Variants in RIPOR2 observed in about 807,000 individuals in gnomAD.
RIPOR2 encodes rho family-interacting cell polarization regulator 2.
Under a neutral mutation model 114.5 loss-of-function variants are expected in RIPOR2, and 39 were observed. The ratio of observed to expected loss-of-function variants is 0.34; its 90% CI spans 0.26 to 0.44. RIPOR2 has a LOEUF of 0.44. Ranked by LOEUF, RIPOR2 falls within the 20% of genes least tolerant of loss-of-function variation. RIPOR2 has a pLI of 1.00. For missense variants in RIPOR2, 1,007 were observed against 1,255.1 expected, an observed-to-expected ratio of 0.80 and a Z score of 2.99; for synonymous variants, 445 against 484.4, an observed-to-expected ratio of 0.92 and a Z score of 1.07.
intron 1 of RIPOR2, among the ~76,000 whole-genome samples, chr6:24,980,384 A>T (rs770967937): frequency 1.2e-4 from 18 of 152,352 alleles, no homozygotes; most frequent in Non-Finnish European, 1.6e-4. Context: ...GAGTGAAATC[A>T]AGACACCTGG....
At chr6:25,023,762 T>G (rs1776449313) in intron 1 of RIPOR2, 7 of 801,988 alleles carry the variant, frequency 8.7e-6, no homozygotes, top group Non-Finnish European at 1.3e-5. Context: ...GGAGGTCGGG[T>G]GGGTGGAGCC....
chr6:24,839,451 A>C, intron 13 of RIPOR2, 179 bp from the exon 14 acceptor site: 1 of 1,437,532 alleles, frequency 7.0e-7, no homozygotes, highest in Non-Finnish European at 9.3e-7. Flanking sequence ...AACCATGGAT[A>C]AAATGGCACA....
chr6:24,875,594 G>A (rs552218614), intron 2 of RIPOR2, 97 bp downstream of exon 2: 47 of 1,165,204 alleles, frequency 4.0e-5, no homozygotes, highest in Admixed American at 7.8e-5. Context: ...GCCGGGGGGC[G>A]GTTTGACAAG....
intron 1 of RIPOR2, among the ~76,000 whole-genome samples, chr6:25,031,719 AT>A (rs1776960920): frequency 1.0e-5 from 1 of 96,108 alleles, no homozygotes; most frequent in Non-Finnish European, 2.0e-5. Context: ...ATATATATAT[AT>A]ATATATATAT....
intron 1 of RIPOR2, chr6:24,877,073 A>T (rs1404814017): frequency 1.0e-6 from 1 of 985,386 alleles, no homozygotes; most frequent in East Asian, 1.1e-4. Flanking sequence ...ATGTTTGCAG[A>T]GTGTCGACAA....
At chr6:24,982,561 A>AT (rs968530534) in intron 1 of RIPOR2, among the ~76,000 whole-genome samples, 24 of 152,106 alleles carry the variant, frequency 1.6e-4, no homozygotes, top group African/African-American at 5.6e-4. Flanking sequence ...AGCCAAGAAC[A>AT]TTTTTTTCCT....
intron 1 of RIPOR2, among the ~76,000 whole-genome samples, chr6:25,019,318 C>T (rs995901723): frequency 6.6e-6 from 1 of 152,146 alleles, no homozygotes; most frequent in Non-Finnish European, 1.5e-5. Context: ...TATTACCACT[C>T]TCAAGGAAGG....
intron 1 of RIPOR2, among the ~76,000 whole-genome samples, chr6:24,897,931 G>A (rs1479207985): frequency 1.3e-5 from 2 of 151,936 alleles, no homozygotes; most frequent in Non-Finnish European, 2.9e-5. Context: ...GGCTGAGGCA[G>A]GAGAATTGCT....
At chr6:25,023,559 CTTGT>C in intron 1 of RIPOR2, 2 of 772,802 alleles carry the variant, frequency 2.6e-6, no homozygotes, top group Non-Finnish European at 2.4e-6. Flanking sequence ...AAGCCCAGGC[CTTGT>C]TTGATTTTGC....
At chr6:24,957,752 G>A (rs148405974) in intron 1 of RIPOR2, among the ~76,000 whole-genome samples, 1,812 of 152,322 alleles carry the variant, frequency 0.012, 20 homozygotes, top group Middle Eastern at 0.027. Context: ...GCAGGCGCCT[G>A]TAGTCCCAGC....
intron 20 of RIPOR2, among the ~76,000 whole-genome samples, chr6:24,811,657 C>CTT (rs1222503239): frequency 1.3e-3 from 28 of 21,722 alleles, no homozygotes; most frequent in South Asian, 0.012. Context: ...TCGTTTAGTA[C>CTT]TTTTTTTTTT....
At chr6:25,015,960 A>G (rs1581955294) in intron 1 of RIPOR2, 1 of 132,930 alleles carries the variant, frequency 7.5e-6, no homozygotes, top group East Asian at 2.2e-4. Flanking sequence ...CTGGAGTGCA[A>G]TGGCATGATC....
At chr6:24,942,187 AT>A (rs1467638151) in intron 1 of RIPOR2, among the ~76,000 whole-genome samples, 2 of 152,218 alleles carry the variant, frequency 1.3e-5, no homozygotes, top group Non-Finnish European at 2.9e-5. Flanking sequence ...GAAAAAATGA[AT>A]TTTATTTAAT....
At chr6:24,842,060 T>C (rs1177640498) in intron 13 of RIPOR2, among the ~76,000 whole-genome samples, 1 of 152,208 alleles carries the variant, frequency 6.6e-6, no homozygotes, top group African/African-American at 2.4e-5. Context: ...AGTTCTCTTT[T>C]CTTTTATATG....
intron 1 of RIPOR2, among the ~76,000 whole-genome samples, chr6:24,913,050 G>A (rs924889264): frequency 5.3e-5 from 8 of 152,144 alleles, no homozygotes; most frequent in Non-Finnish European, 1.2e-4. Flanking sequence ...CAAATCAAGT[G>A]CTCTTTTTAC....
At position 24,954,455 on chromosome 6, in the gene RIPOR2, C is replaced by CTTTTTTTTT. The variant is rs372356246; in HGVS notation, c.77-78639_77-78638insAAAAAAAAA. On this transcript the variant is annotated intron_variant, in intron 1 of 13. Transcript: ENST00000510784. ...AACTGTGCAGGCCCAGTCTCTCTCT[C>CTTTTTTTTT]CTTTTTTTTTTTTTTTTTGAGACAG... Among the ~76,000 whole-genome samples the CTTTTTTTTT allele has an allele frequency of 3.0e-4, 35 of 116,234 alleles. 10 individuals are homozygous for CTTTTTTTTT. Among genetic ancestry groups the CTTTTTTTTT allele is most frequent in the South Asian group, 2.6e-4 (1 of 3,778 alleles). 76.3% of individuals were successfully genotyped at this position (116,234 alleles called of 152,430 possible).
intron 1 of RIPOR2, among the ~76,000 whole-genome samples, chr6:24,954,521 T>A (rs1772941774): frequency 6.7e-6 from 1 of 148,630 alleles, no homozygotes; most frequent in South Asian, 2.1e-4. Context: ...AGTGGTGTTA[T>A]CATGGCTCAG....
At chr6:25,028,686 TGGG>T (rs1334891089) in intron 1 of RIPOR2, among the ~76,000 whole-genome samples, 3 of 152,264 alleles carry the variant, frequency 2.0e-5, no homozygotes, top group South Asian at 2.1e-4. Flanking sequence ...AGAAAAAAAT[TGGG>T]GGGCAGGGAT....
chr6:24,843,330 T>A lies in RIPOR2; in HGVS notation c.1389A>T (p.Ala463=), dbSNP rs752662614. The part of the protein sequence containing the change: ...QNEGMDDTSS[A]SSRNSLGEGQ... Reference sequence around the variant, plus strand: ...CTTCTCCCAGGGAGTTCCTGGAAGATGCTGAGCTGGTGTCATCCATACCCT... The same window carrying A: ...CTTCTCCCAGGGAGTTCCTGGAAGAAGCTGAGCTGGTGTCATCCATACCCT... The change falls in exon 13 of 22, where the codon GCA becomes GCT. Residue 463 remains alanine (A), a synonymous_variant. Coordinates refer to ENST00000643898, the MANE Select transcript of RIPOR2 (RefSeq NM_001286445.3). 3 of 1,613,842 alleles carry A rather than the reference T, an allele frequency of 1.9e-6. No individual in the cohort carries two copies. The African/African-American group carries it at 4.0e-5, about 22-fold the overall frequency.
Sources: gnomAD v4.1 joint callset for allele counts (sites outside exome capture counted in the v4.1 genomes callset) on GRCh38, gnomAD v4.1.1 for gene constraint, MANE v1.5 for transcripts, NCBI Gene and HGNC (gene_info 2026-07-23, HGNC 2026-07-21) for gene names.